TTC29: variants seen among roughly 807,000 people sequenced by gnomAD.
TTC29 encodes tetratricopeptide repeat domain 29.
Under a neutral mutation model 58.1 loss-of-function variants are expected in TTC29, and 49 were observed. The observed-to-expected ratio is 0.84, with a 90% CI of 0.67 to 1.07. The LOEUF is 1.07. TTC29 is among the 50% of genes least tolerant of loss of function. The pLI, the probability that TTC29 is intolerant of heterozygous loss-of-function variation, is 0.00. For synonymous variants in TTC29, 209 were observed against 196.8 expected, an observed-to-expected ratio of 1.06 and a Z score of -0.52; for missense variants, 582 against 555.6, an observed-to-expected ratio of 1.05 and a Z score of -0.48.
chr4:146,755,025 TAAATAG>T (rs958830501), intron 11 of TTC29, among the ~76,000 whole-genome samples: 3 of 152,072 alleles, frequency 2.0e-5, no homozygotes, highest in African/African-American at 7.2e-5. Context: ...TTTGAACCAA[TAAATAG>T]AATCAGTAAA....
chr4:146,759,224 C>A (rs541702996), intron 11 of TTC29, among the ~76,000 whole-genome samples: 122 of 152,032 alleles, frequency 8.0e-4, no homozygotes, highest in African/African-American at 2.2e-3. Flanking sequence ...AACTAGAAAA[C>A]CTAGAAGACA....
intron 4 of TTC29, among the ~76,000 whole-genome samples, chr4:146,916,229 G>A (rs1335681089): frequency 6.6e-6 from 1 of 151,490 alleles, no homozygotes; most frequent in Non-Finnish European, 1.5e-5. Context: ...CCTACTAACT[G>A]ATAAAAATTA....
intron 6 of TTC29, among the ~76,000 whole-genome samples, chr4:146,902,568 T>C (rs559418673): frequency 2.6e-5 from 4 of 152,330 alleles, no homozygotes; most frequent in South Asian, 4.1e-4. Context: ...CTTCACAGAA[T>C]ATATTCCTAT....
At chr4:146,736,625 G>A (rs1744726837) in intron 11 of TTC29, among the ~76,000 whole-genome samples, 1 of 152,106 alleles carries the variant, frequency 6.6e-6, no homozygotes, top group Non-Finnish European at 1.5e-5. Context: ...CGACTACTGA[G>A]ACTCTGAACT....
intron 11 of TTC29, among the ~76,000 whole-genome samples, chr4:146,757,472 G>T (rs577716237): frequency 1.5e-4 from 23 of 152,240 alleles, no homozygotes; most frequent in African/African-American, 5.5e-4. Context: ...AAGAACACCT[G>T]GGAAATTCAT....
At chr4:146,772,756 G>A (rs1032604232) in intron 11 of TTC29, among the ~76,000 whole-genome samples, 1 of 151,976 alleles carries the variant, frequency 6.6e-6, no homozygotes, top group African/African-American at 2.4e-5. Context: ...TTTTGGTTCT[G>A]TGAAGAATGT....
intron 8 of TTC29, among the ~76,000 whole-genome samples, chr4:146,835,795 G>C (rs1728472388): frequency 6.6e-6 from 1 of 152,122 alleles, no homozygotes; most frequent in African/African-American, 2.4e-5. Context: ...GAGGTGCCCA[G>C]TTTTATCTGT....
Position 146,906,664 on chromosome 4 carries a change from A to G in TTC29, c.400+2362T>C, listed in dbSNP as rs577435368. Among the ~76,000 whole-genome samples the G allele has an allele frequency of 1.3e-3, 194 of 152,374 alleles. 1 individual carries two copies. Among genetic ancestry groups the G allele is most frequent in the African/African-American group, 4.4e-3 (181 of 41,596 alleles). On this transcript the variant is annotated intron_variant, in intron 5 of 12. Coordinates refer to ENST00000325106, the MANE Select transcript of TTC29 (RefSeq NM_031956.4). ...ATGTGTTGAATGTGGAAAAAAAATT[A>G]TAACAATTTTTGAAAAAAGGTGACA...
intron 10 of TTC29, among the ~76,000 whole-genome samples, chr4:146,811,039 T>C (rs1396541293): frequency 1.3e-5 from 2 of 152,136 alleles, no homozygotes; most frequent in East Asian, 3.9e-4. Flanking sequence ...TTCTGAAAAA[T>C]ATGATCGTGA....
chr4:146,901,288 G>A (rs908608238), intron 6 of TTC29, among the ~76,000 whole-genome samples: 2 of 152,028 alleles, frequency 1.3e-5, no homozygotes, highest in Non-Finnish European at 2.9e-5. Context: ...TCCCCAGTGT[G>A]TACATTTATA....
chr4:146,739,370 T>C (rs1417254143), intron 11 of TTC29, among the ~76,000 whole-genome samples: 1 of 152,234 alleles, frequency 6.6e-6, no homozygotes, highest in Non-Finnish European at 1.5e-5. Context: ...CTTCCAACTG[T>C]ACGTGATCTT....
intron 11 of TTC29, among the ~76,000 whole-genome samples, chr4:146,739,539 C>T (rs1744964033): frequency 6.6e-6 from 1 of 152,170 alleles, no homozygotes; most frequent in African/African-American, 2.4e-5. Context: ...TTCTGTCACC[C>T]AATTTACATC....
intron 11 of TTC29, among the ~76,000 whole-genome samples, chr4:146,789,840 C>T (rs1217160237): frequency 1.3e-5 from 2 of 152,054 alleles, no homozygotes; most frequent in South Asian, 2.1e-4. Context: ...ACACAGCAGC[C>T]AAGGTGATCT....
intron 2 of TTC29, among the ~76,000 whole-genome samples, chr4:146,943,938 G>C (rs1736673195): frequency 6.6e-6 from 1 of 152,290 alleles, no homozygotes; most frequent in Middle Eastern, 3.4e-3. Context: ...GACTGACCCA[G>C]GCCTGTAGCA....
intron 9 of TTC29, among the ~76,000 whole-genome samples, chr4:146,829,451 T>C (rs765848000): frequency 1.3e-5 from 2 of 152,206 alleles, no homozygotes; most frequent in Non-Finnish European, 2.9e-5. Flanking sequence ...GTTTGTTGAT[T>C]GTGCCACCAA....
chr4:146,715,419 A>G (rs1742857083), intron 11 of TTC29, among the ~76,000 whole-genome samples: 1 of 152,182 alleles, frequency 6.6e-6, no homozygotes, highest in African/African-American at 2.4e-5. Context: ...CCAATAGAAT[A>G]CTATTCAGCT....
At chr4:146,849,333 G>A (rs908496295) in intron 8 of TTC29, among the ~76,000 whole-genome samples, 3 of 152,122 alleles carry the variant, frequency 2.0e-5, no homozygotes, top group African/African-American at 7.2e-5. Flanking sequence ...GATTTGAACT[G>A]GGTTCATTGG....
chr4:146,833,861 C>T lies in TTC29; in HGVS notation c.922G>A (p.Asp308Asn), dbSNP rs747180257. The T allele has an allele frequency of 3.7e-6, 6 of 1,613,216 alleles. No individual in the cohort carries two copies. Among genetic ancestry groups the T allele is most frequent in the Non-Finnish European group, 1.7e-6 (2 of 1,179,458 alleles). Residue 308 changes from aspartate to asparagine, a missense_variant, in exon 9 of 13, where the codon GAT becomes AAT. Physicochemically the swap from Asp to Asn is conservative, Grantham distance 23. Transcript: ENST00000325106. The stretch of plus-strand genomic sequence containing the variant: ...CCTCTCCCCAGACTGAGATCATCAT[C>T]CAGGTCTGTGGAGATTTTACAGTAA... ...DTYCKISTDL[D>N]DDLSLGRGYE...
intron 11 of TTC29, among the ~76,000 whole-genome samples, chr4:146,756,029 A>G (rs534332062): frequency 9.2e-5 from 14 of 152,238 alleles, no homozygotes; most frequent in African/African-American, 3.1e-4. Flanking sequence ...AATCCCAGCA[A>G]TTCGGGAGGC....
Sources: allele counts gnomAD v4.1 joint callset (sites outside exome capture counted in the v4.1 genomes callset), GRCh38; gene constraint gnomAD v4.1.1; transcripts MANE v1.5; gene names NCBI Gene and HGNC (gene_info 2026-07-23, HGNC 2026-07-21).